ITGB1: variants seen among roughly 807,000 people sequenced by gnomAD.
ITGB1 encodes the protein integrin beta-1.
Under a neutral mutation model 86.5 loss-of-function variants are expected in ITGB1, and 24 were observed. The observed-to-expected ratio is 0.28, with a 90% CI of 0.20 to 0.39. The LOEUF (loss-of-function observed/expected upper bound fraction) is 0.39. Ranked by LOEUF, ITGB1 falls within the 10% of genes least tolerant of loss-of-function variation. The pLI is 1.00. For synonymous variants in ITGB1, 323 were observed against 316.8 expected (o/e 1.02, Z -0.21); for missense variants, 556 against 946.9 (o/e 0.59, Z 5.42).
intron 1 of ITGB1, among the ~76,000 whole-genome samples, chr10:32,942,479 T>G (rs1388016897): frequency 1.3e-5 from 2 of 152,344 alleles, no homozygotes; most frequent in African/African-American, 2.4e-5. Flanking sequence ...TCTTCCCTGA[T>G]GGATTCTAGG....
intron 1 of ITGB1, among the ~76,000 whole-genome samples, chr10:32,940,119 G>A (rs2095014786): frequency 6.6e-6 from 1 of 152,126 alleles, no homozygotes. Context: ...GCCAAGATGG[G>A]CAGATCACAA....
chr10:32,953,632 A>T (rs1484618514), intron 1 of ITGB1: 1 of 152,186 alleles, frequency 6.6e-6, no homozygotes. Flanking sequence ...GAACGAGAGA[A>T]TGAGAGAAAC....
intron 1 of ITGB1, among the ~76,000 whole-genome samples, chr10:32,943,370 A>T (rs926839140): frequency 4.5e-4 from 68 of 151,872 alleles, no homozygotes; most frequent in Non-Finnish European, 6.3e-4. Context: ...ATTTTTTTTT[A>T]AATTTTGTAG....
chr10:32,952,413 T>C (rs1251665652), intron 1 of ITGB1, among the ~76,000 whole-genome samples: 1 of 151,766 alleles, frequency 6.6e-6, no homozygotes, highest in East Asian at 1.9e-4. Flanking sequence ...TAACATAACA[T>C]TATACTACCA....
chr10:32,944,943 A>T, intron 1 of ITGB1: 1 of 1,242,330 alleles, frequency 8.0e-7, no homozygotes, highest in Non-Finnish European at 1.2e-6. Flanking sequence ...CTGGAATATT[A>T]CCAAGCTTTT....
chr10:32,922,649 A>T lies in ITGB1; in HGVS notation c.1029T>A (p.Pro343=). ...TIFAVTEEFQ[P]VYKELKNLIP... is the part of the protein sequence containing the mutation. ...TATCTCACACATTTACCTTGTAAAC[A>T]GGCTGAAATTCTTCAGTAACTGCAA... Residue 343 remains proline, a synonymous_variant, in exon 8 of 16, where the codon CCT becomes CCA. Coordinates refer to ENST00000302278, the MANE Select transcript of ITGB1 (RefSeq NM_002211.4). 1 of 1,574,038 alleles carries T rather than the reference A, an allele frequency of 6.4e-7. No individual in the cohort carries two copies. The highest frequency in any genetic ancestry group is 8.7e-7 in the Non-Finnish European group (1 of 1,145,808).
intron 1 of ITGB1, among the ~76,000 whole-genome samples, chr10:32,945,598 C>CAA (rs139599452): frequency 6.9e-5 from 10 of 145,104 alleles, no homozygotes; most frequent in African/African-American, 2.0e-4. Context: ...GACTCTGTCT[C>CAA]AAAAAAAAAA....
intron 1 of ITGB1, among the ~76,000 whole-genome samples, chr10:32,941,477 G>T (rs2095018074): frequency 6.6e-6 from 1 of 152,152 alleles, no homozygotes; most frequent in Admixed American, 6.5e-5. Context: ...TTATGAGTTG[G>T]AAATAACAGG....
Position 32,920,055 on chromosome 10 carries a change from A to C in ITGB1, c.1299T>G (p.Asn433Lys), listed in dbSNP as rs1410851145. 6.2e-7 allele frequency: 1 copy of C among 1,613,870 alleles called. No individual in the cohort carries two copies. The highest frequency in any genetic ancestry group is 2.2e-5 in the East Asian group (1 of 44,892). The change falls in exon 11 of 16, where the codon AAT (asparagine) becomes AAG (lysine). Residue 433 changes from asparagine (N) to lysine (K), a missense_variant. By Grantham distance (94) the Asn-to-Lys change is moderately conservative. Around this residue, in one of 4 missense-constraint regions of ITGB1, gnomAD observed 330 missense variants for 531.5 expected, o/e 0.62. Transcript: ENST00000302278. ...EVQFEISITS[N>K]KCPKKDSDSF... ...TGTCAGAATCCTTTTTTGGACACTT[A>C]TTTGAAGTTATGCTAATTTCAAATT...
At chr10:32,925,828 A>G (rs755788342) in intron 6 of ITGB1, 43 bp downstream of exon 6, 7 of 1,171,394 alleles carry the variant, frequency 6.0e-6, no homozygotes, top group East Asian at 4.7e-5. Flanking sequence ...ATTCACACAC[A>G]TAATAGAAAC....
intron 11 of ITGB1, among the ~76,000 whole-genome samples, chr10:32,917,773 GA>G (rs1435765847): frequency 6.6e-6 from 1 of 152,186 alleles, no homozygotes; most frequent in Non-Finnish European, 1.5e-5. Flanking sequence ...AACCATTGTG[GA>G]AGACAGTGTA....
intron 2 of ITGB1, among the ~76,000 whole-genome samples, 180 bp downstream of exon 2, chr10:32,935,312 G>A (rs1392539353): frequency 1.3e-5 from 2 of 152,188 alleles, no homozygotes; most frequent in African/African-American, 2.4e-5. Context: ...CCAGGTGGCA[G>A]GGGTGAGGGG....
intron 1 of ITGB1, among the ~76,000 whole-genome samples, chr10:32,948,911 TA>T (rs2095037382): frequency 6.7e-6 from 1 of 148,354 alleles, no homozygotes; most frequent in Non-Finnish European, 1.5e-5. Context: ...TGTGTTTTAT[TA>T]ATCAAACCCA....
At chr10:32,903,351 C>CAAACAAAAAAAAA (rs1555218828) in intron 15 of ITGB1, among the ~76,000 whole-genome samples, 16 of 57,030 alleles carry the variant, frequency 2.8e-4, no homozygotes, top group African/African-American at 1.1e-3. Flanking sequence ...GACTCCATCT[C>CAAACAAAAAAAAA]AAAAAAAAAA....
chr10:32,955,714 C>A (rs758719251), intron 1 of ITGB1: 11 of 152,130 alleles, frequency 7.2e-5, no homozygotes, highest in Admixed American at 5.2e-4. Flanking sequence ...TTAGGAAGAA[C>A]ACCAATGTAG....
chr10:32,929,712 G>C, intron 4 of ITGB1, 110 bp downstream of exon 4: 2 of 705,878 alleles, frequency 2.8e-6, no homozygotes, highest in South Asian at 3.6e-5. Flanking sequence ...TTGAGTGCCA[G>C]TCCACATGTA....
intron 11 of ITGB1, 129 bp downstream of exon 11, chr10:32,919,756 G>A (rs2137195990): frequency 2.8e-6 from 2 of 702,840 alleles, no homozygotes; most frequent in East Asian, 2.7e-5. Context: ...ATCTTGTGGT[G>A]AGCAACCGTG....
chr10:32,903,246 T>C (rs747139874), intron 15 of ITGB1, among the ~76,000 whole-genome samples: 22 of 144,048 alleles, frequency 1.5e-4, no homozygotes, highest in South Asian at 6.5e-4. Context: ...CAGCTACTCA[T>C]GAAGCTGGGA....
At chr10:32,932,664 T>G (rs1593874819) in intron 2 of ITGB1, 64 bp from the exon 3 acceptor site, 1 of 958,588 alleles carries the variant, frequency 1.0e-6, no homozygotes, top group East Asian at 2.4e-5. Context: ...TAATGAAAAA[T>G]CAGAATCACA....
Sources: allele counts gnomAD v4.1 joint callset (sites outside exome capture counted in the v4.1 genomes callset), GRCh38; gene constraint gnomAD v4.1.1; regional missense constraint gnomAD v4.1.1; transcripts MANE v1.5; gene names NCBI Gene and HGNC (gene_info 2026-07-23, HGNC 2026-07-21).